Variants in SCN1A observed in about 807,000 individuals in gnomAD.
The protein encoded by SCN1A is sodium channel protein type 1 subunit alpha.
In SCN1A, 13 loss-of-function variants were observed where a neutral mutation model predicts 193.7. That is an observed-to-expected ratio of 0.07 (90% CI 0.04 to 0.11). The LOEUF (loss-of-function observed/expected upper bound fraction) is 0.11, where lower values mean the gene tolerates loss of function less well. Among genes scored for constraint, SCN1A ranks in the 10% least tolerant of loss-of-function variants. The pLI is 1.00. For missense variants in SCN1A, 1,432 were observed against 2,451.1 expected (o/e 0.58, Z 8.78); for synonymous variants, 781 against 843.6 (o/e 0.93, Z 1.29).
intron 16 of SCN1A, among the ~76,000 whole-genome samples, chr2:166,040,486 G>A (rs1052749371): frequency 6.6e-6 from 1 of 152,136 alleles, no homozygotes; most frequent in Non-Finnish European, 1.5e-5. Flanking sequence ...CTAATAAAAT[G>A]CAGGTTGTTA....
At chr2:166,082,788 A>C (rs1056470197) in intron 2 of SCN1A, among the ~76,000 whole-genome samples, 1 of 152,064 alleles carries the variant, frequency 6.6e-6, no homozygotes, top group Non-Finnish European at 1.5e-5. Context: ...ATATATCTTC[A>C]CCACCTTATA....
chr2:165,985,394 AAGG>A (rs921036786), downstream of SCN1A: 2 of 148,912 alleles, frequency 1.3e-5, no homozygotes, highest in African/African-American at 5.2e-5. Context: ...AGGAAAGAAA[AAGG>A]AAGGAAAAAG....
intron 1 of SCN1A, among the ~76,000 whole-genome samples, chr2:166,143,167 A>AT (rs66499233): frequency 0.031 from 3,950 of 126,104 alleles, 244 homozygotes; most frequent in African/African-American, 0.11. Flanking sequence ...AGAACTCAGC[A>AT]TTTTTTTTTT....
At position 165,987,351 on chromosome 2, in the gene SCN1A, A is replaced by G. The variant is rs1194223957; in HGVS notation, c.*3894T>C. 1.3e-5 allele frequency: 2 copies of G among 152,094 alleles called. No homozygotes were observed. The highest frequency in any genetic ancestry group is 1.9e-4 in the East Asian group (1 of 5,190). The allele number at this position is 152,094 out of a possible 1,614,324, so 9.4% of individuals were successfully genotyped here. A position where few individuals can be genotyped will look rare whatever the true frequency, so the allele number is the denominator to read the frequency against. On this transcript the variant is annotated 3_prime_UTR_variant, in exon 29 of 29. Coordinates refer to ENST00000674923, the MANE Select transcript of SCN1A (RefSeq NM_001165963.4). ...ATACTTTCTTCTGTTTAAATTTTCT[A>G]CTTAATAGAGAAGAGATACTTTAAG...
chr2:166,038,501 T>C (rs1230804722), intron 17 of SCN1A, among the ~76,000 whole-genome samples: 1 of 151,796 alleles, frequency 6.6e-6, no homozygotes, highest in Non-Finnish European at 1.5e-5. Flanking sequence ...CCACCACACC[T>C]GGTTAAATAT....
intron 2 of SCN1A, among the ~76,000 whole-genome samples, chr2:166,099,338 A>C (rs555637879): frequency 2.0e-5 from 3 of 150,956 alleles, no homozygotes; most frequent in South Asian, 2.1e-4. Flanking sequence ...CTCTCAATAA[A>C]TTAGGTATTG....
chr2:165,985,037 A>T (rs16851327), downstream of SCN1A: 1 of 152,060 alleles, frequency 6.6e-6, no homozygotes, highest in Non-Finnish European at 1.5e-5. Context: ...AACCTTTAAA[A>T]ATAATGAGAT....
chr2:166,077,367 A>C (rs778680900), intron 3 of SCN1A, among the ~76,000 whole-genome samples: 11 of 152,076 alleles, frequency 7.2e-5, no homozygotes, highest in Non-Finnish European at 1.5e-4. Context: ...CTCAACAATA[A>C]GAAAATGAAC....
rs1433508946 is a variant in SCN1A, at chr2:166,073,186, A to G, written c.264+172T>C. 4 of 721,642 alleles carry G rather than the reference A, an allele frequency of 5.5e-6. No individual in the cohort carries two copies. In the South Asian group the frequency reaches 5.7e-5, roughly 10 times the overall value. The allele number at this position is 721,642 out of a possible 1,614,324, so 44.7% of individuals were successfully genotyped here. A position where few individuals can be genotyped will look rare whatever the true frequency, so the allele number is the denominator to read the frequency against. On this transcript the variant is annotated intron_variant, in intron 4 of 28. Transcript: ENST00000674923. The stretch of plus-strand genomic sequence containing the variant: ...TTGGGACAGTTGCATATGTTATGAT[A>G]TAATCAATTCATTTCTCATGTATAT...
At chr2:166,039,947 C>T (rs1373709567) in intron 16 of SCN1A, among the ~76,000 whole-genome samples, 10 of 114,134 alleles carry the variant, frequency 8.8e-5, no homozygotes, top group Non-Finnish European at 1.5e-4. Context: ...TTTTTTGAGA[C>T]GGAGTGTCAG....
At chr2:166,030,982 A>G (rs1190755043) in intron 19 of SCN1A, among the ~76,000 whole-genome samples, 2 of 152,110 alleles carry the variant, frequency 1.3e-5, no homozygotes, top group Non-Finnish European at 2.9e-5. Flanking sequence ...ATTCTTTATT[A>G]TTAATGTTCA....
intron 2 of SCN1A, among the ~76,000 whole-genome samples, chr2:166,086,597 C>T (rs554433756): frequency 1.9e-4 from 29 of 152,280 alleles, no homozygotes; most frequent in Admixed American, 5.9e-4. Context: ...GTGTCTGTTT[C>T]TGGCTTCTGG....
intron 19 of SCN1A, 77 bp downstream of exon 19, chr2:166,035,971 A>T: frequency 6.9e-7 from 1 of 1,445,420 alleles, no homozygotes. Flanking sequence ...AACATCATTA[A>T]GCTGAGGATC....
chr2:166,007,901 T>C lies in SCN1A; in HGVS notation c.4002+1818A>G, dbSNP rs1191488897. ...AACCTCACCATCATTCATGATTATATTTTTACAAAATAAAATATCCAAACA... is the reference window on the plus strand; with the variant it reads ...AACCTCACCATCATTCATGATTATACTTTTACAAAATAAAATATCCAAACA... On this transcript the variant is annotated intron_variant, in intron 23 of 28. Transcript: ENST00000674923. 3.3e-5 allele frequency among the ~76,000 whole-genome samples: 5 copies of C among 151,404 alleles called. No individual in the cohort carries two copies. In the East Asian group the frequency reaches 9.7e-4, roughly 29 times the overall value.
Position 165,996,015 on chromosome 2 carries a change from C to T in SCN1A, c.4579G>A (p.Gly1527Arg). The change falls in exon 27 of 29, where the codon GGA becomes AGA. Residue 1527 changes from glycine (G) to arginine (R), a missense_variant and splice_region_variant. This residue lies in a region of SCN1A where 85 missense variants were observed against 119.1 expected (regional missense o/e 0.71). Transcript: ENST00000674923. Reference sequence around the variant, plus strand: ...CCATATCATTTGATACTTCTTACTCCTGGTCGAGGTATAGGCTTTTGCGGT... The same window carrying T: ...CCATATCATTTGATACTTCTTACTCTTGGTCGAGGTATAGGCTTTTGCGGT... ...KKPQKPIPRP[G>R]NKFQGMVFDF... 1.3e-6 allele frequency: 2 copies of T among 1,590,944 alleles called. No homozygotes were observed. The highest frequency in any genetic ancestry group is 1.7e-6 in the Non-Finnish European group (2 of 1,160,146).
At chr2:166,089,810 A>G (rs1686577679) in intron 2 of SCN1A, among the ~76,000 whole-genome samples, 2 of 152,136 alleles carry the variant, frequency 1.3e-5, no homozygotes, top group Non-Finnish European at 1.5e-5. Context: ...GTTGGGTTTT[A>G]TTTTTCAAAC....
At chr2:165,999,663 C>T (rs1023808753) in intron 25 of SCN1A, 60 bp downstream of exon 25, 11 of 1,193,030 alleles carry the variant, frequency 9.2e-6, no homozygotes, top group Middle Eastern at 1.9e-4. Flanking sequence ...ATGCTTTATT[C>T]GATTAATTTT....
chr2:166,047,481 G>C, intron 11 of SCN1A, 146 bp downstream of exon 11: 1 of 911,686 alleles, frequency 1.1e-6, no homozygotes, highest in Non-Finnish European at 1.8e-6. Flanking sequence ...CTCAGTATGT[G>C]TTATAATCAA....
rs1030491723 is a variant in SCN1A at position 165,989,948 on chromosome 2, C to T, written c.*1297G>A. On this transcript the variant is annotated 3_prime_UTR_variant, in exon 29 of 29. Coordinates refer to ENST00000674923, the MANE Select transcript of SCN1A (RefSeq NM_001165963.4). ...TTAAAATGTAAAAATAACCAAAAAGCTGTTAAAGTGCTGCAAACTATTGCT... is the reference window on the plus strand; with the variant it reads ...TTAAAATGTAAAAATAACCAAAAAGTTGTTAAAGTGCTGCAAACTATTGCT... 1.3e-5 allele frequency: 2 copies of T among 152,510 alleles called. No individual in the cohort carries two copies. Among genetic ancestry groups the T allele is most frequent in the Non-Finnish European group, 2.9e-5 (2 of 68,020 alleles). 9.4% of individuals were successfully genotyped at this position (152,510 alleles called of 1,614,324 possible). A position where few individuals can be genotyped will look rare whatever the true frequency, so the allele number is the denominator to read the frequency against.
Sources: allele counts gnomAD v4.1 joint callset (sites outside exome capture counted in the v4.1 genomes callset), GRCh38; gene constraint gnomAD v4.1.1; regional missense constraint gnomAD v4.1.1; transcripts MANE v1.5; gene names NCBI Gene and HGNC (gene_info 2026-07-23, HGNC 2026-07-21).